The following CORO2B variants were observed in gnomAD, a reference collection of about 807,000 sequenced individuals.
CORO2B encodes coronin-2B.
Under a neutral mutation model 58.8 loss-of-function variants are expected in CORO2B, and 26 were observed. That is an observed-to-expected ratio of 0.44 (90% CI 0.32 to 0.61). The LOEUF is 0.61. CORO2B is among the 20% of genes least tolerant of loss of function. The pLI is 0.04. For synonymous variants in CORO2B, 242 were observed against 253.8 expected (o/e 0.95, Z 0.44); for missense variants, 460 against 645.1 (o/e 0.71, Z 3.11).
chr15:68,533,198 C>A, the CORO2B span, among the ~76,000 whole-genome samples: 153 of 152,238 alleles, frequency 1.0e-3, no homozygotes, highest in African/African-American at 3.6e-3. Context: ...TTCCCTTCCC[C>A]CTGAGATCAT....
intron 2 of CORO2B, among the ~76,000 whole-genome samples, chr15:68,648,212 A>G (rs568299460): frequency 6.6e-6 from 1 of 151,878 alleles, no homozygotes; most frequent in Non-Finnish European, 1.5e-5. Flanking sequence ...ATGTGCCTGT[A>G]GTCCCAGCTA....
chr15:68,691,058 G>A (rs113548876), intron 2 of CORO2B, among the ~76,000 whole-genome samples: 27,240 of 151,466 alleles, frequency 0.18, 3,030 homozygotes, highest in Non-Finnish European at 0.25. Flanking sequence ...GGCCAGGTGC[G>A]GTGGCTCACG....
chr15:68,560,591 G>C, the CORO2B span, among the ~76,000 whole-genome samples: 1 of 152,094 alleles, frequency 6.6e-6, no homozygotes, highest in Non-Finnish European at 1.5e-5. Context: ...GAGCCACCGC[G>C]CCCAGCCTGC....
chr15:68,705,330 C>T (rs1010173394), intron 3 of CORO2B, among the ~76,000 whole-genome samples: 56 of 151,028 alleles, frequency 3.7e-4, no homozygotes, highest in African/African-American at 1.3e-3. Flanking sequence ...CCCAGTTACT[C>T]GGGAGGCTGA....
Position 68,719,231 on chromosome 15 carries a change from C to T in CORO2B, c.1168C>T (p.Arg390Ter), listed in dbSNP as rs1443965588. 4 of 1,613,818 alleles carry T rather than the reference C, an allele frequency of 2.5e-6. No homozygotes were observed. The highest frequency in any genetic ancestry group is 1.7e-6 in the Non-Finnish European group (2 of 1,179,828). ...TPDEWLGGINRDPVLMSLKEG... is the reference protein window; with the variant it reads ...TPDEWLGGIN ...GGATGAATGGCTGGGAGGCATCAAC[C>T]GAGGTACCACAGCGGGGGGCTCCAC... The change falls in exon 10 of 12, where the codon CGA (arginine) becomes TGA (stop). Residue 390 changes from arginine to a stop codon, truncating the protein, a stop_gained. Coordinates refer to ENST00000261861, the MANE Select transcript of CORO2B (RefSeq NM_006091.5). LOFTEE classifies it high-confidence loss of function.
chr15:68,637,917 G>A (rs376051456), intron 1 of CORO2B, among the ~76,000 whole-genome samples: 5 of 152,110 alleles, frequency 3.3e-5, no homozygotes, highest in South Asian at 2.1e-4. Context: ...AAATGCACCC[G>A]CTGGCCACAA....
chr15:68,662,274 G>A (rs998311847), intron 2 of CORO2B, among the ~76,000 whole-genome samples: 5 of 151,978 alleles, frequency 3.3e-5, no homozygotes, highest in East Asian at 1.9e-4. Flanking sequence ...CACCTTTTCC[G>A]GAATCATATT....
intron 7 of CORO2B, 116 bp downstream of exon 7, chr15:68,714,779 G>C: frequency 1.3e-6 from 1 of 766,896 alleles, no homozygotes; most frequent in Admixed American, 2.2e-5. Context: ...CAAGTTCCTG[G>C]GCCTCACCTT....
At chr15:68,583,980 A>T (rs1462611187) in intron 1 of CORO2B, among the ~76,000 whole-genome samples, 32 of 152,132 alleles carry the variant, frequency 2.1e-4, no homozygotes, top group Non-Finnish European at 1.5e-5. Flanking sequence ...TCATGCTGGG[A>T]GGTGTGCGGC....
At chr15:68,591,197 T>C (rs1899696742) in intron 1 of CORO2B, among the ~76,000 whole-genome samples, 1 of 152,322 alleles carries the variant, frequency 6.6e-6, no homozygotes, top group East Asian at 1.9e-4. Flanking sequence ...TGTGAAACTA[T>C]GAGAGACGTG....
chr15:68,709,454 T>C (rs910021410), intron 3 of CORO2B, among the ~76,000 whole-genome samples: 3 of 134,334 alleles, frequency 2.2e-5, no homozygotes, highest in Non-Finnish European at 3.1e-5. Context: ...AGATTTTTTT[T>C]TCGTGTTTTT....
the CORO2B span, among the ~76,000 whole-genome samples, chr15:68,535,049 C>T: frequency 6.6e-6 from 1 of 152,176 alleles, no homozygotes; most frequent in South Asian, 2.1e-4. Flanking sequence ...AGCTACAATT[C>T]AAGATGAGAT....
chr15:68,632,379 G>T, intron 1 of CORO2B: 4 of 985,452 alleles, frequency 4.1e-6, no homozygotes, highest in African/African-American at 1.7e-5. Context: ...GCTCGGTCCA[G>T]TAGAGTTGTG....
the CORO2B span, among the ~76,000 whole-genome samples, chr15:68,546,233 A>C: frequency 3.9e-5 from 6 of 152,178 alleles, no homozygotes; most frequent in African/African-American, 1.4e-4. Flanking sequence ...CAAACGAAGA[A>C]GTTCATCTCA....
chr15:68,688,383 A>C (rs1286759091), intron 2 of CORO2B, among the ~76,000 whole-genome samples: 1 of 152,198 alleles, frequency 6.6e-6, no homozygotes, highest in Non-Finnish European at 1.5e-5. Flanking sequence ...CCAAAATCCA[A>C]AATGCTCCAA....
intron 2 of CORO2B, among the ~76,000 whole-genome samples, chr15:68,660,976 CTT>C (rs57270255): frequency 6.1e-5 from 9 of 147,268 alleles, no homozygotes; most frequent in African/African-American, 1.5e-4. Context: ...TGTAATGAGT[CTT>C]TTTTTTTTTT....
the CORO2B span, among the ~76,000 whole-genome samples, chr15:68,539,335 G>C: frequency 9.0e-3 from 1,370 of 152,316 alleles, 21 homozygotes; most frequent in African/African-American, 0.031. Context: ...ATTTGGAACT[G>C]AGAGTCAGTA....
rs528673262 is a variant in CORO2B, at chr15:68,645,356, A to G, written c.212A>G (p.Glu71Gly). 1 of 1,609,574 alleles carries G rather than the reference A, an allele frequency of 6.2e-7. No homozygotes were observed. Among genetic ancestry groups the G allele is most frequent in the East Asian group, 2.2e-5 (1 of 44,786 alleles). The change falls in exon 2 of 12, where the codon GAG (glutamate) becomes GGG (glycine). Residue 71 changes from glutamate (E) to glycine (G), a missense_variant. By Grantham distance (98) the Glu-to-Gly change is moderately conservative (BLOSUM62 -2). This residue lies in a region of CORO2B where 352 missense variants were observed against 543.0 expected (regional missense o/e 0.65). Coordinates refer to ENST00000261861, the MANE Select transcript of CORO2B (RefSeq NM_006091.5). This position sits in a 1 kb window ranked among gnomAD's most constrained non-coding sequence, Gnocchi z 4.5. ...GGCTCCTTCCTCGTCATCCCCCTGGAGCAGGTAGGTGGCCCCTACCTTCAC... is the reference window on the plus strand; with the variant it reads ...GGCTCCTTCCTCGTCATCCCCCTGGGGCAGGTAGGTGGCCCCTACCTTCAC... ...GGGSFLVIPL[E>G]QTGRIEPNYP...
intron 1 of CORO2B, among the ~76,000 whole-genome samples, chr15:68,624,120 G>C (rs1401081494): frequency 1.3e-5 from 2 of 152,124 alleles, no homozygotes; most frequent in African/African-American, 4.8e-5. Flanking sequence ...CCATAAATGA[G>C]GATAAAAAAT....
Sources: gnomAD v4.1 joint callset for allele counts (sites outside exome capture counted in the v4.1 genomes callset) on GRCh38, gnomAD v4.1.1 for gene constraint, gnomAD v4.1.1 regional missense constraint, Gnocchi (gnomAD v3.1) non-coding constraint, MANE v1.5 for transcripts, NCBI Gene and HGNC (gene_info 2026-07-23, HGNC 2026-07-21) for gene names.